Variants in DGKB observed in about 807,000 individuals in gnomAD.
DGKB encodes diacylglycerol kinase beta.
A neutral mutation model predicts 114.3 loss-of-function variants in DGKB; 67 were observed. The observed-to-expected ratio is 0.59, with a 90% CI of 0.48 to 0.72. DGKB has a LOEUF of 0.72. DGKB is among the 30% of genes least tolerant of loss of function. The pLI, the probability that DGKB is intolerant of heterozygous loss-of-function variation, is 0.00. For synonymous variants in DGKB, 398 were observed against 323.1 expected, an observed-to-expected ratio of 1.23 and a Z score of -2.49; for missense variants, 907 against 975.2, an observed-to-expected ratio of 0.93 and a Z score of 0.93.
intron 23 of DGKB, among the ~76,000 whole-genome samples, chr7:14,197,132 A>T (rs1264916435): frequency 6.6e-6 from 1 of 152,094 alleles, no homozygotes; most frequent in Admixed American, 6.6e-5. Context: ...GGCGGGGGAA[A>T]CCAAAACCTC....
intron 1 of DGKB, among the ~76,000 whole-genome samples, chr7:14,957,731 C>A (rs1360894974): frequency 6.6e-6 from 1 of 151,912 alleles, no homozygotes; most frequent in Admixed American, 6.6e-5. Flanking sequence ...TTCTGTATTA[C>A]CATTTGTATT....
chr7:14,657,712 ACT>A (rs1182514634), intron 13 of DGKB, among the ~76,000 whole-genome samples: 1 of 151,950 alleles, frequency 6.6e-6, no homozygotes, highest in Non-Finnish European at 1.5e-5. Flanking sequence ...TCCCCACCAG[ACT>A]CTGCATTTCT....
chr7:14,521,258 A>T (rs1789720503), intron 20 of DGKB, among the ~76,000 whole-genome samples: 1 of 152,200 alleles, frequency 6.6e-6, no homozygotes, highest in African/African-American at 2.4e-5. Flanking sequence ...AAGGCTGCAC[A>T]CCTACAACCA....
chr7:14,644,818 G>A (rs944729370), intron 13 of DGKB, among the ~76,000 whole-genome samples: 2 of 152,066 alleles, frequency 1.3e-5, no homozygotes, highest in African/African-American at 4.8e-5. Flanking sequence ...CTATGTCTTG[G>A]GAGATAAATA....
chr7:14,657,046 T>G (rs1815982017), intron 13 of DGKB, among the ~76,000 whole-genome samples: 1 of 151,768 alleles, frequency 6.6e-6, no homozygotes, highest in Admixed American at 6.6e-5. Context: ...GGTAAGATTA[T>G]GAAATCACTT....
chr7:14,278,931 G>T (rs902080557), intron 23 of DGKB, among the ~76,000 whole-genome samples: 3 of 152,142 alleles, frequency 2.0e-5, no homozygotes, highest in Non-Finnish European at 4.4e-5. Context: ...CCTGAGCAAC[G>T]CAGAAGACGG....
At chr7:14,963,150 A>G (rs953802522) in intron 1 of DGKB, among the ~76,000 whole-genome samples, 7 of 152,164 alleles carry the variant, frequency 4.6e-5, no homozygotes, top group African/African-American at 1.7e-4. Flanking sequence ...CAGCTTTAAA[A>G]ATACATGAGC....
chr7:14,470,949 G>C (rs1781193138), intron 21 of DGKB, among the ~76,000 whole-genome samples: 1 of 150,894 alleles, frequency 6.6e-6, no homozygotes, highest in Admixed American at 6.6e-5. Context: ...AAAATATTTG[G>C]CTTTGATATA....
Position 14,697,851 on chromosome 7 carries a change from GAGAAGGAA to G in DGKB, c.591+236_591+243del, listed in dbSNP as rs1055785071. Among the ~76,000 whole-genome samples, 17 of 141,554 alleles carry G rather than the reference GAGAAGGAA, an allele frequency of 1.2e-4. No homozygotes were observed. In the East Asian group the frequency reaches 3.6e-3, roughly 30 times the overall value. 92.9% of individuals were successfully genotyped at this position (141,554 alleles called of 152,430 possible). ...GAGAGAGAAGGAAGGAAGGGAGAGA[GAGAAGGAA>G]GGAAGGAAGGTAGGAGGGAGGGAGG... On this transcript the variant is annotated intron_variant, in intron 8 of 25. Coordinates refer to ENST00000402815, the MANE Select transcript of DGKB (RefSeq NM_001350709.2).
intron 1 of DGKB, among the ~76,000 whole-genome samples, chr7:14,919,566 C>T (rs369646319): frequency 2.0e-5 from 3 of 152,274 alleles, no homozygotes; most frequent in Admixed American, 6.5e-5. Flanking sequence ...CCCCTCCAAT[C>T]GCAAGGTTTT....
At chr7:14,377,635 G>T (rs1307752857) in intron 21 of DGKB, among the ~76,000 whole-genome samples, 3 of 152,074 alleles carry the variant, frequency 2.0e-5, no homozygotes, top group Non-Finnish European at 2.9e-5. Flanking sequence ...AGCCAAAAAG[G>T]TTGCATATTG....
At position 14,729,321 on chromosome 7, in the gene DGKB, A is replaced by G. The variant is rs184571879; in HGVS notation, c.322+6720T>C. Reference sequence around the variant, plus strand: ...GTATTTTTAGTAGAGACCAGGTTTCACCGTGTTAGCCAGGATGGTCTCGAT... The same window carrying G: ...GTATTTTTAGTAGAGACCAGGTTTCGCCGTGTTAGCCAGGATGGTCTCGAT... On this transcript the variant is annotated intron_variant, in intron 5 of 25. Coordinates refer to ENST00000402815, the MANE Select transcript of DGKB (RefSeq NM_001350709.2). Among the ~76,000 whole-genome samples the G allele has an allele frequency of 4.8e-3, 720 of 151,170 alleles. 8 individuals are homozygous for G. The highest frequency in any genetic ancestry group is 0.017 in the African/African-American group (680 of 41,096).
chr7:14,214,074 G>A (rs982227121), intron 23 of DGKB, among the ~76,000 whole-genome samples: 1 of 151,796 alleles, frequency 6.6e-6, no homozygotes, highest in Non-Finnish European at 1.5e-5. Flanking sequence ...CACCATCCTA[G>A]TTCAAAGTAG....
chr7:14,473,301 G>A (rs978264643), intron 21 of DGKB, among the ~76,000 whole-genome samples: 1 of 152,232 alleles, frequency 6.6e-6, no homozygotes, highest in Non-Finnish European at 1.5e-5. Context: ...CATAGCTTCA[G>A]AGGGTGCAAG....
intron 20 of DGKB, among the ~76,000 whole-genome samples, chr7:14,547,901 C>A (rs550573798): frequency 6.6e-6 from 1 of 152,086 alleles, no homozygotes; most frequent in South Asian, 2.1e-4. Flanking sequence ...TAGAAGATCC[C>A]TTGCTTTGAA....
intron 6 of DGKB, among the ~76,000 whole-genome samples, chr7:14,713,047 T>G (rs1319108770): frequency 6.6e-6 from 1 of 152,118 alleles, no homozygotes. Context: ...TATAAACTAG[T>G]TTAACCCACA....
At chr7:14,829,369 A>G (rs1201974976) in intron 2 of DGKB, among the ~76,000 whole-genome samples, 1 of 152,170 alleles carries the variant, frequency 6.6e-6, no homozygotes, top group Non-Finnish European at 1.5e-5. Context: ...ATTTTCAGAT[A>G]TCTCAGCCTA....
At chr7:14,880,129 A>G (rs1181316640) in intron 1 of DGKB, among the ~76,000 whole-genome samples, 1 of 152,136 alleles carries the variant, frequency 6.6e-6, no homozygotes, top group Admixed American at 6.5e-5. Context: ...AAGTGGATCC[A>G]GCCAGAGGTA....
chr7:14,529,381 C>A (rs901596176), intron 20 of DGKB, among the ~76,000 whole-genome samples: 1 of 151,660 alleles, frequency 6.6e-6, no homozygotes, highest in Non-Finnish European at 1.5e-5. Context: ...AAATGAGTAA[C>A]CTTTAATCTT....
Sources: gnomAD v4.1 joint callset for allele counts (sites outside exome capture counted in the v4.1 genomes callset) on GRCh38, gnomAD v4.1.1 for gene constraint, MANE v1.5 for transcripts, NCBI Gene and HGNC (gene_info 2026-07-23, HGNC 2026-07-21) for gene names.